CNTNAP4: variants seen among roughly 807,000 people sequenced by gnomAD.
CNTNAP4 encodes the protein contactin associated protein family member 4.
Under a neutral mutation model 148.4 loss-of-function variants are expected in CNTNAP4, and 98 were observed. The ratio of observed to expected loss-of-function variants is 0.66; its 90% CI spans 0.56 to 0.78. The LOEUF (loss-of-function observed/expected upper bound fraction) is 0.78, where lower values mean the gene tolerates loss of function less well. Among genes scored for constraint, CNTNAP4 ranks in the 30% least tolerant of loss-of-function variants. The pLI, the probability that CNTNAP4 is intolerant of heterozygous loss-of-function variation, is 0.00. For synonymous variants in CNTNAP4, 730 were observed against 565.1 expected (o/e 1.29, Z -4.14); for missense variants, 1,935 against 1,565.6 (o/e 1.24, Z -3.98).
chr16:76,320,949 TTAAG>T (rs772655645), intron 2 of CNTNAP4, among the ~76,000 whole-genome samples: 23 of 152,314 alleles, frequency 1.5e-4, no homozygotes, highest in South Asian at 4.1e-4. Context: ...GTACACCTCT[TTAAG>T]TATATAAAAG....
chr16:76,531,594 C>G (rs1313945072), intron 17 of CNTNAP4, among the ~76,000 whole-genome samples: 2 of 152,118 alleles, frequency 1.3e-5, no homozygotes, highest in Non-Finnish European at 2.9e-5. Context: ...AACGTAATAG[C>G]TCAGTGGAAA....
Position 76,558,592 on chromosome 16 carries a change from C to T in CNTNAP4, c.3836C>T (p.Ser1279Leu). 6.2e-7 allele frequency: 1 copy of T among 1,613,098 alleles called. No individual in the cohort carries two copies. The highest frequency in any genetic ancestry group is 8.5e-7 in the Non-Finnish European group (1 of 1,179,290). The change falls in exon 24 of 24, where the codon TCA (serine) becomes TTA (leucine). Residue 1279 changes from serine to leucine, a missense_variant. By Grantham distance (145) the Ser-to-Leu change is moderately radical (BLOSUM62 -2). Transcript: ENST00000611870. ...TATAAAAGAAGTGAGGCAAAAAGGT[C>T]AGAGAATGTAGACAGTGCTGAGGCT... The part of the protein sequence containing the change: ...RLYKRSEAKR[S>L]ENVDSAEAVL...
chr16:76,289,087 G>A (rs1959006551), intron 1 of CNTNAP4, among the ~76,000 whole-genome samples: 2 of 151,748 alleles, frequency 1.3e-5, no homozygotes, highest in African/African-American at 4.8e-5. Flanking sequence ...AAAATTTATA[G>A]CAAATGTAAT....
chr16:76,321,580 G>A (rs897946791), intron 2 of CNTNAP4, among the ~76,000 whole-genome samples: 24 of 151,992 alleles, frequency 1.6e-4, no homozygotes, highest in Non-Finnish European at 2.5e-4. Flanking sequence ...ACGAGGTCAG[G>A]AGATCGAGAC....
chr16:76,530,323 A>T (rs1201035466), intron 17 of CNTNAP4, among the ~76,000 whole-genome samples: 1 of 152,088 alleles, frequency 6.6e-6, no homozygotes, highest in East Asian at 1.9e-4. Flanking sequence ...CTTTAATATA[A>T]TCAAATTGTT....
At chr16:76,292,317 G>A (rs546069441) in intron 1 of CNTNAP4, among the ~76,000 whole-genome samples, 2 of 152,072 alleles carry the variant, frequency 1.3e-5, no homozygotes, top group East Asian at 1.9e-4. Flanking sequence ...TTGCCTCTTC[G>A]AGCACTATCA....
intron 4 of CNTNAP4, among the ~76,000 whole-genome samples, chr16:76,433,323 G>C (rs4438332): frequency 0.64 from 97,416 of 152,048 alleles, 32,616 homozygotes; most frequent in African/African-American, 0.84. Flanking sequence ...GACATGATGA[G>C]CAAATGTACA....
Position 76,340,626 on chromosome 16 carries a change from T to C in CNTNAP4, c.197-14692T>C, listed in dbSNP as rs563175140. On this transcript the variant is annotated intron_variant, in intron 2 of 23. Transcript: ENST00000611870. ...TTTCTCCGATGCTTTCATGTCTTCATTCAATACATATTTATAGGGAGTTTC... is the reference window on the plus strand; with the variant it reads ...TTTCTCCGATGCTTTCATGTCTTCACTCAATACATATTTATAGGGAGTTTC... Among the ~76,000 whole-genome samples, 33 of 152,300 alleles carry C rather than the reference T, an allele frequency of 2.2e-4. 1 individual carries two copies. The South Asian group carries it at 6.6e-3, about 31-fold the overall frequency.
At chr16:76,540,891 G>A (rs2084424111) in intron 21 of CNTNAP4, 101 bp downstream of exon 21, 1 of 747,376 alleles carries the variant, frequency 1.3e-6, no homozygotes, top group African/African-American at 1.8e-5. Context: ...TCATGGCAAA[G>A]GAAATCCCTT....
intron 3 of CNTNAP4, among the ~76,000 whole-genome samples, chr16:76,372,723 CT>C (rs2014984310): frequency 7.2e-5 from 11 of 152,150 alleles, no homozygotes; most frequent in Admixed American, 7.2e-4. Context: ...ACCTCTTTTT[CT>C]TTATAAATTA....
intron 9 of CNTNAP4, among the ~76,000 whole-genome samples, chr16:76,465,151 C>A (rs2081130869): frequency 6.6e-6 from 1 of 152,182 alleles, no homozygotes; most frequent in Admixed American, 6.5e-5. Context: ...TATCTGTTAT[C>A]CTCGGAGGTG....
intron 15 of CNTNAP4, among the ~76,000 whole-genome samples, chr16:76,503,685 C>G (rs12444293): frequency 1.1e-4 from 17 of 151,236 alleles, no homozygotes; most frequent in South Asian, 1.1e-3. Flanking sequence ...CCCTTCCCCC[C>G]ACCCCACAAC....
chr16:76,524,762 C>A (rs953814709), intron 17 of CNTNAP4, among the ~76,000 whole-genome samples: 3 of 151,926 alleles, frequency 2.0e-5, no homozygotes, highest in African/African-American at 7.3e-5. Flanking sequence ...GGGTGTTATT[C>A]CAATGTTGTA....
At chr16:76,290,614 G>T (rs1310967976) in intron 1 of CNTNAP4, among the ~76,000 whole-genome samples, 1 of 152,126 alleles carries the variant, frequency 6.6e-6, no homozygotes, top group Non-Finnish European at 1.5e-5. Context: ...AGGGTAAGTG[G>T]TTGAAACAGC....
chr16:76,366,252 T>C (rs2014113563), intron 3 of CNTNAP4, among the ~76,000 whole-genome samples: 1 of 152,188 alleles, frequency 6.6e-6, no homozygotes, highest in Non-Finnish European at 1.5e-5. Context: ...TGGTACCCAA[T>C]AGTTAATTTT....
intron 3 of CNTNAP4, among the ~76,000 whole-genome samples, chr16:76,412,157 T>C (rs894637016): frequency 6.6e-6 from 1 of 151,408 alleles, no homozygotes; most frequent in Admixed American, 6.6e-5. Flanking sequence ...TATAATGAAA[T>C]GTCCTACAGT....
chr16:76,532,766 C>A (rs370278614), intron 17 of CNTNAP4, among the ~76,000 whole-genome samples: 1 of 152,120 alleles, frequency 6.6e-6, no homozygotes, highest in South Asian at 2.1e-4. Flanking sequence ...AACAAGGACG[C>A]CAAAAGAATC....
chr16:76,490,346 G>T (rs1410707707), intron 13 of CNTNAP4, among the ~76,000 whole-genome samples: 6 of 152,196 alleles, frequency 3.9e-5, no homozygotes, highest in Admixed American at 3.9e-4. Context: ...AGAAAAGGCT[G>T]CCAGAGACAC....
At position 76,467,370 on chromosome 16, in the gene CNTNAP4, T is replaced by A. The variant is rs117057578; in HGVS notation, c.1502T>A (p.Phe501Tyr). The change falls in exon 10 of 24, where the codon TTT (phenylalanine) becomes TAT (tyrosine). Residue 501 changes from phenylalanine to tyrosine, a missense_variant. Coordinates refer to ENST00000611870, the MANE Select transcript of CNTNAP4 (RefSeq NM_033401.5). ...YYFGGCPDKS[F>Y]GSKCKSPLGG... ...TTATCAGGTTGTCCTGACAAAAGCTTTGGATCCAAATGTAAAAGTCCACTT... is the reference window on the plus strand; with the variant it reads ...TTATCAGGTTGTCCTGACAAAAGCTATGGATCCAAATGTAAAAGTCCACTT... The A allele has an allele frequency of 3.7e-4, 590 of 1,613,878 alleles. 5 individuals are homozygous for A. The East Asian group carries it at 0.013, about 35-fold the overall frequency.
Sources: gnomAD v4.1 joint callset for allele counts (sites outside exome capture counted in the v4.1 genomes callset) on GRCh38, gnomAD v4.1.1 for gene constraint, MANE v1.5 for transcripts, NCBI Gene and HGNC (gene_info 2026-07-23, HGNC 2026-07-21) for gene names.